The following MACROD1 variants were observed in gnomAD, a reference collection of about 807,000 sequenced individuals.
MACROD1 encodes ADP-ribose glycohydrolase MACROD1.
In MACROD1, 31 loss-of-function variants were observed where a neutral mutation model predicts 41.4. The ratio of observed to expected loss-of-function variants is 0.75; its 90% confidence interval spans 0.56 to 1.01. The LOEUF is 1.01. MACROD1 is among the 50% of genes least tolerant of loss of function. MACROD1 has a pLI of 0.00. For missense variants in MACROD1, 473 were observed against 460.0 expected (o/e 1.03, Z -0.26); for synonymous variants, 252 against 203.4 (o/e 1.24, Z -2.03).
intron 3 of MACROD1, among the ~76,000 whole-genome samples, chr11:64,065,632 T>C (rs547123027): frequency 4.0e-5 from 6 of 149,520 alleles, no homozygotes; most frequent in Admixed American, 2.0e-4. Context: ...TACTAAAAAA[T>C]ACAAAAAATT....
chr11:64,150,880 C>A (rs988766782), intron 3 of MACROD1, among the ~76,000 whole-genome samples: 2 of 152,222 alleles, frequency 1.3e-5, no homozygotes, highest in Admixed American at 6.5e-5. Context: ...GCAGGCCAGG[C>A]CAAAGGCAGA....
intron 3 of MACROD1, among the ~76,000 whole-genome samples, chr11:64,138,283 C>T (rs1437554507): frequency 6.6e-6 from 1 of 152,214 alleles, no homozygotes; most frequent in African/African-American, 2.4e-5. Context: ...ACCCACAGAA[C>T]CCCCTCCCCG....
intron 3 of MACROD1, among the ~76,000 whole-genome samples, chr11:64,062,858 C>T (rs1207516630): frequency 6.6e-6 from 1 of 152,228 alleles, no homozygotes; most frequent in Non-Finnish European, 1.5e-5. Flanking sequence ...CACCTCCACC[C>T]CGGCCCCGCC....
At position 64,096,367 on chromosome 11, in the gene MACROD1, A is replaced by T. The variant is rs1944576446; in HGVS notation, c.517+54872T>A. On this transcript the variant is annotated intron_variant, in intron 3 of 10. Coordinates refer to ENST00000255681, the MANE Select transcript of MACROD1 (RefSeq NM_014067.4). This position sits in a 1 kb window ranked among gnomAD's most constrained non-coding sequence, Gnocchi z 4.6. The stretch of plus-strand genomic sequence containing the variant: ...CTAATGGGCACGGGCGACGCATTAC[A>T]GTGAGGTCTGCCAGGTAGAGCTGGC... Among the ~76,000 whole-genome samples, 1 of 151,336 alleles carries T rather than the reference A, an allele frequency of 6.6e-6. No individual in the cohort carries two copies. The highest frequency in any genetic ancestry group is 2.4e-5 in the African/African-American group (1 of 41,196).
intron 3 of MACROD1, among the ~76,000 whole-genome samples, chr11:64,056,209 T>C (rs1455060967): frequency 6.6e-6 from 1 of 152,078 alleles, no homozygotes. Context: ...CTTTGCCCAT[T>C]TGGCTTCCCT....
At chr11:64,001,103 G>A in intron 4 of MACROD1, 1 of 340,816 alleles carries the variant, frequency 2.9e-6, no homozygotes, top group South Asian at 4.5e-5. Context: ...CTGGGGACCC[G>A]GGCGCAGATA....
Position 64,036,416 on chromosome 11 carries a change from C to T in MACROD1, c.518-21135G>A, listed in dbSNP as rs568337732. Among the ~76,000 whole-genome samples the T allele has an allele frequency of 1.8e-4, 28 of 152,254 alleles. No homozygotes were observed. Among genetic ancestry groups the T allele is most frequent in the African/African-American group, 6.3e-4 (26 of 41,566 alleles). On this transcript the variant is annotated intron_variant, in intron 3 of 10. Coordinates refer to ENST00000255681, the MANE Select transcript of MACROD1 (RefSeq NM_014067.4). The surrounding 1 kb of genome is among the most constrained non-coding windows in gnomAD (Gnocchi z 5.6). ...GAGGCGCGGGGTGCGCGGCCGGCGG[C>T]TCAGCTCTCCCGAGCCGAGGCTGGA... is the stretch of plus-strand genomic sequence containing the variant.
Position 64,083,796 on chromosome 11 carries a change from G to T in MACROD1, c.517+67443C>A, listed in dbSNP as rs367876891. ...CAGCCCCAAATTCCCAAGGTCAAGG[G>T]GTGAGTCAGCAGGGGTTGGCATCAA... On this transcript the variant is annotated intron_variant, in intron 3 of 10. Transcript: ENST00000255681. Among the ~76,000 whole-genome samples the T allele has an allele frequency of 4.6e-5, 7 of 152,310 alleles. No individual in the cohort carries two copies. The East Asian group carries it at 1.4e-3, about 29-fold the overall frequency.
At chr11:64,140,654 TGA>T (rs1435577200) in intron 3 of MACROD1, among the ~76,000 whole-genome samples, 2 of 152,196 alleles carry the variant, frequency 1.3e-5, no homozygotes, top group Non-Finnish European at 2.9e-5. Flanking sequence ...GACACTGTAC[TGA>T]GCATCCTACA....
At chr11:64,118,488 A>C in intron 3 of MACROD1, 1 of 529,044 alleles carries the variant, frequency 1.9e-6, no homozygotes, top group Non-Finnish European at 3.2e-6. Flanking sequence ...AAAAGAATAG[A>C]AGGCAGGAGG....
intron 3 of MACROD1, among the ~76,000 whole-genome samples, chr11:64,089,609 C>A (rs1401518093): frequency 6.6e-6 from 1 of 152,194 alleles, no homozygotes; most frequent in Admixed American, 6.5e-5. Flanking sequence ...GGAGACTGTT[C>A]TCAGAGCAAG....
rs779489926 is a variant in MACROD1 at position 64,151,374 on chromosome 11, G to A, written c.401-19C>T. 27 of 1,590,906 alleles carry A rather than the reference G, an allele frequency of 1.7e-5. No homozygotes were observed. Among genetic ancestry groups the A allele is most frequent in the African/African-American group, 8.0e-5 (6 of 74,578 alleles). On this transcript the variant is annotated intron_variant, in intron 2 of 10. Coordinates refer to ENST00000255681, the MANE Select transcript of MACROD1 (RefSeq NM_014067.4). ...GCCACCCCTGGAACAAGTAGGGGCC[G>A]GGGAGGTCACAGCGAGGCTGCCCAC...
At chr11:64,071,365 A>T (rs375869628) in intron 3 of MACROD1, among the ~76,000 whole-genome samples, 10 of 152,124 alleles carry the variant, frequency 6.6e-5, no homozygotes, top group African/African-American at 2.4e-4. Context: ...AGCACAGAGC[A>T]GCTCTCTAGC....
Position 64,152,287 on chromosome 11 carries a change from C to T in MACROD1, c.400+5G>A, listed in dbSNP as rs1261583788. On this transcript the variant is annotated splice_donor_5th_base_variant and intron_variant, in intron 2 of 10. Coordinates refer to ENST00000255681, the MANE Select transcript of MACROD1 (RefSeq NM_014067.4). ...CCACCAGGGCCTCCCCCGAGCAGGG[C>T]CTACCTTTCGCCATCTCCTTCCATG... 1.9e-6 allele frequency: 3 copies of T among 1,614,106 alleles called. No homozygotes were observed. The highest frequency in any genetic ancestry group is 1.7e-6 in the Non-Finnish European group (2 of 1,179,908).
At position 64,120,830 on chromosome 11, in the gene MACROD1, T is replaced by C. The variant is rs1945086341; in HGVS notation, c.517+30409A>G. On this transcript the variant is annotated intron_variant, in intron 3 of 10. Transcript: ENST00000255681. The surrounding 1 kb of genome is among the most constrained non-coding windows in gnomAD (Gnocchi z 4.5). ...GACAGAAGTCCCAGGTCTCTGCTGATTCTAAAATGAGACCACCCCTCCCTG... is the reference window on the plus strand; with the variant it reads ...GACAGAAGTCCCAGGTCTCTGCTGACTCTAAAATGAGACCACCCCTCCCTG... 6.6e-6 allele frequency among the ~76,000 whole-genome samples: 1 copy of C among 151,996 alleles called. No individual in the cohort carries two copies. Among genetic ancestry groups the C allele is most frequent in the Non-Finnish European group, 1.5e-5 (1 of 67,980 alleles).
At chr11:64,043,239 A>G (rs1468828695) in intron 3 of MACROD1, among the ~76,000 whole-genome samples, 1 of 152,204 alleles carries the variant, frequency 6.6e-6, no homozygotes, top group Non-Finnish European at 1.5e-5. Context: ...ATCATTGGAC[A>G]GGCCCCGCCA....
At chr11:64,006,175 A>T (rs1942910841) in intron 4 of MACROD1, among the ~76,000 whole-genome samples, 1 of 152,196 alleles carries the variant, frequency 6.6e-6, no homozygotes, top group East Asian at 1.9e-4. Context: ...AGCCACAAAG[A>T]CCGGATAAGT....
rs1220106461 is a variant in MACROD1 at position 63,999,712 on chromosome 11, T to C, written c.716A>G (p.Gln239Arg). The C allele has an allele frequency of 1.2e-6, 2 of 1,608,700 alleles. No homozygotes were observed. The highest frequency in any genetic ancestry group is 1.3e-5 in the African/African-American group (1 of 74,820). The change falls in exon 6 of 11, where the codon CAG becomes CGG. Residue 239 changes from glutamine to arginine, a missense_variant. Transcript: ENST00000255681. ...PIAYGEPSAS[Q>R]AAELRSCYLS... ...GTAGCAGCTGCGGAGCTCGGCAGCC[T>C]GACTGGCGCTGGGCTCCCCGTAGGC...
rs115130877 is a variant in MACROD1, at chr11:64,024,802, G to A, written c.518-9521C>T. On this transcript the variant is annotated intron_variant, in intron 3 of 10. Coordinates refer to ENST00000255681, the MANE Select transcript of MACROD1 (RefSeq NM_014067.4). ...GTCTGTGGGTCTTGAAGGCAGCCTTGACCCCTAGGAAAGGTCAAGGCCCAG... is the reference window on the plus strand; with the variant it reads ...GTCTGTGGGTCTTGAAGGCAGCCTTAACCCCTAGGAAAGGTCAAGGCCCAG... Among the ~76,000 whole-genome samples the A allele has an allele frequency of 9.9e-5, 15 of 152,180 alleles. 1 individual carries two copies. The highest frequency in any genetic ancestry group is 3.4e-4 in the African/African-American group (14 of 41,540).
Sources: gnomAD v4.1 joint callset for allele counts (sites outside exome capture counted in the v4.1 genomes callset) on GRCh38, gnomAD v4.1.1 for gene constraint, Gnocchi (gnomAD v3.1) non-coding constraint, MANE v1.5 for transcripts, NCBI Gene and HGNC (gene_info 2026-07-23, HGNC 2026-07-21) for gene names.